The following TARS3 variants were observed in gnomAD, a reference collection of about 807,000 sequenced individuals.
TARS3 encodes the protein threonine--tRNA ligase 2, cytoplasmic.
Under a neutral mutation model 103.5 loss-of-function variants are expected in TARS3, and 94 were observed. That is an observed-to-expected ratio of 0.91 (90% CI 0.77 to 1.08). The LOEUF is 1.08. Ranked by LOEUF, TARS3 falls within the 50% of genes least tolerant of loss-of-function variation. The pLI, the probability that TARS3 is intolerant of heterozygous loss-of-function variation, is 0.00. For synonymous variants in TARS3, 416 were observed against 355.4 expected (o/e 1.17, Z -1.92); for missense variants, 952 against 995.2 (o/e 0.96, Z 0.58).
At chr15:101,714,802 C>G (rs778439717) in intron 4 of TARS3, 38 bp downstream of exon 4, 26 of 1,593,712 alleles carry the variant, frequency 1.6e-5, no homozygotes, top group Non-Finnish European at 5.1e-6. Flanking sequence ...TACAACATAA[C>G]TACCCAAAGT....
chr15:101,677,781 T>TG (rs917524838), intron 12 of TARS3, among the ~76,000 whole-genome samples: 2 of 151,136 alleles, frequency 1.3e-5, no homozygotes, highest in Non-Finnish European at 3.0e-5. Flanking sequence ...TACAGGCACG[T>TG]GCCACCAAGC....
In TARS3 at chr15:101,703,750, T is replaced by C. The variant is rs996121500; in HGVS notation, c.1074+109A>G. 2.5e-5 allele frequency: 17 copies of C among 672,096 alleles called. No homozygotes were observed. In the African/African-American group the frequency reaches 3.0e-4, roughly 12 times the overall value. The allele number at this position is 672,096 out of a possible 1,614,324, so 41.6% of individuals were successfully genotyped here. ...CAAATAAGAATGAAATATTTTAAAATATCATGATGTTCAGACTACAAAAGA... is the reference window on the plus strand; with the variant it reads ...CAAATAAGAATGAAATATTTTAAAACATCATGATGTTCAGACTACAAAAGA... On this transcript the variant is annotated intron_variant, in intron 8 of 18. Coordinates refer to ENST00000335968, the MANE Select transcript of TARS3 (RefSeq NM_152334.3).
At chr15:101,706,251 G>A (rs1347538421) in intron 6 of TARS3, among the ~76,000 whole-genome samples, 2 of 152,176 alleles carry the variant, frequency 1.3e-5, no homozygotes, top group Non-Finnish European at 2.9e-5. Context: ...GCCTCCCAAA[G>A]TACTGGGATT....
Position 101,702,269 on chromosome 15 carries a change from T to C in TARS3, c.1191A>G (p.Ala397=), listed in dbSNP as rs1335944047. 1 of 1,614,196 alleles carries C rather than the reference T, an allele frequency of 6.2e-7. No homozygotes were observed. The highest frequency in any genetic ancestry group is 1.7e-5 in the Admixed American group (1 of 60,028). ...MRDWEKFQEE[A]KNRDHRKIGK... ...CGATCTTCCTGTGATCTCGGTTCTT[T>C]GCTTCCTCTTGGAACTTTTCCCAGT... is the stretch of plus-strand genomic sequence containing the variant. The change falls in exon 9 of 19, where the codon GCA becomes GCG. Residue 397 remains alanine (A), a synonymous_variant. Coordinates refer to ENST00000335968, the MANE Select transcript of TARS3 (RefSeq NM_152334.3).
In TARS3 at chr15:101,686,053, G is replaced by A. The variant is rs139536073; in HGVS notation, c.1330C>T (p.His444Tyr). 43 of 1,604,576 alleles carry A rather than the reference G, an allele frequency of 2.7e-5. No homozygotes were observed. The East Asian group carries it at 9.6e-4, about 36-fold the overall frequency. The change falls in exon 11 of 19, where the codon CAC becomes TAC. Residue 444 changes from histidine to tyrosine, a missense_variant. His to Tyr is a moderately conservative substitution (Grantham distance 83, BLOSUM62 2). This residue lies in a region of TARS3 where 540 missense variants were observed against 631.0 expected (regional missense o/e 0.86). Coordinates refer to ENST00000335968, the MANE Select transcript of TARS3 (RefSeq NM_152334.3). ...AGCACCTCCGTGAAGTCCCGTTTGTGATATTCCTCCTTCAAGATACATGCA... is the reference window on the plus strand; with the variant it reads ...AGCACCTCCGTGAAGTCCCGTTTGTAATATTCCTCCTTCAAGATACATGCA... ...TLTDFIREEY[H>Y]KRDFTEVLSP...
chr15:101,673,140 G>T (rs1429754266), intron 13 of TARS3, among the ~76,000 whole-genome samples: 5 of 152,196 alleles, frequency 3.3e-5, no homozygotes, highest in African/African-American at 1.2e-4. Flanking sequence ...CCAGGCCAGG[G>T]TTAGTTATTG....
rs768517064 is a variant in TARS3, at chr15:101,685,960, T to A, written c.1423A>T (p.Met475Leu). 6.2e-7 allele frequency: 1 copy of A among 1,614,106 alleles called. No homozygotes were observed. The highest frequency in any genetic ancestry group is 1.7e-4 in the Middle Eastern group (1 of 6,058). Residue 475 changes from methionine (M) to leucine (L), a missense_variant, in exon 11 of 19, where the codon ATG becomes TTG. Transcript: ENST00000335968. ...TCCTTTTCAATCTCAAAGGTAAACA[T>A]GTTCTCGCTGTAATGCTGCCAGTGG... ...SGHWQHYSEN[M>L]FTFEIEKDTF... is the part of the protein sequence containing the mutation.
At chr15:101,665,050 A>G (rs532343605) in intron 15 of TARS3, among the ~76,000 whole-genome samples, 2 of 152,262 alleles carry the variant, frequency 1.3e-5, no homozygotes, top group South Asian at 2.1e-4. Flanking sequence ...AATGTATCCA[A>G]TCTGAGAGAT....
chr15:101,661,567 G>C, intron 16 of TARS3, 145 bp downstream of exon 16: 1 of 521,984 alleles, frequency 1.9e-6, no homozygotes, highest in Non-Finnish European at 3.4e-6. Context: ...TACAAGGCAG[G>C]AAAGGCCCTT....
At chr15:101,718,952 C>A (rs932357695) in intron 3 of TARS3, among the ~76,000 whole-genome samples, 2 of 152,166 alleles carry the variant, frequency 1.3e-5, no homozygotes, top group African/African-American at 4.8e-5. Flanking sequence ...CAGAACTGAG[C>A]TGTGGAAACT....
At chr15:101,715,367 C>T (rs1900099263) in intron 3 of TARS3, among the ~76,000 whole-genome samples, 1 of 151,832 alleles carries the variant, frequency 6.6e-6, no homozygotes, top group African/African-American at 2.4e-5. Context: ...GGGATGGTCT[C>T]GATCTCCTGA....
intron 12 of TARS3, among the ~76,000 whole-genome samples, chr15:101,677,136 A>C (rs1031349204): frequency 6.6e-6 from 1 of 152,146 alleles, no homozygotes; most frequent in Admixed American, 6.5e-5. Flanking sequence ...AACTCGACTG[A>C]GCTAAAAGAT....
intron 5 of TARS3, among the ~76,000 whole-genome samples, chr15:101,711,398 C>A (rs1339029111): frequency 6.6e-6 from 1 of 152,162 alleles, no homozygotes; most frequent in African/African-American, 2.4e-5. Flanking sequence ...CCTTGAACAA[C>A]AAAGGTTAGA....
chr15:101,684,322 C>A, intron 11 of TARS3, 85 bp from the exon 12 acceptor site: 1 of 1,295,848 alleles, frequency 7.7e-7, no homozygotes, highest in Non-Finnish European at 1.0e-6. Flanking sequence ...TACAATTAAG[C>A]CTCAAGATTC....
chr15:101,694,760 C>A (rs1781019302), intron 10 of TARS3, among the ~76,000 whole-genome samples: 1 of 152,182 alleles, frequency 6.6e-6, no homozygotes, highest in South Asian at 2.1e-4. Context: ...TATGTCAACA[C>A]CAAAGGAGAC....
intron 13 of TARS3, 24 bp downstream of exon 13, chr15:101,675,576 G>A: frequency 6.2e-7 from 1 of 1,600,880 alleles, no homozygotes; most frequent in Non-Finnish European, 8.5e-7. Flanking sequence ...AAAATGAAGA[G>A]GAAGCACAAG....
At chr15:101,702,443 GCTCTTA>G in intron 8 of TARS3, 58 bp from the exon 9 acceptor site, 1 of 1,409,266 alleles carries the variant, frequency 7.1e-7, no homozygotes, top group Non-Finnish European at 1.0e-6. Flanking sequence ...AAGTAAAACT[GCTCTTA>G]AATACAAATG....
intron 2 of TARS3, among the ~76,000 whole-genome samples, chr15:101,722,528 CG>C (rs368082009): frequency 0.24 from 34,402 of 145,348 alleles, 4,406 homozygotes; most frequent in African/African-American, 0.27. Context: ...AAAAAAAGAC[CG>C]GGGGCGGTGG....
chr15:101,712,839 G>GA (rs1361992801), intron 4 of TARS3, among the ~76,000 whole-genome samples: 3 of 152,214 alleles, frequency 2.0e-5, no homozygotes, highest in Admixed American at 6.5e-5. Flanking sequence ...TTGATAAAAT[G>GA]AATCAGGGCA....
Sources: allele counts gnomAD v4.1 joint callset (sites outside exome capture counted in the v4.1 genomes callset), GRCh38; gene constraint gnomAD v4.1.1; regional missense constraint gnomAD v4.1.1; transcripts MANE v1.5; gene names NCBI Gene and HGNC (gene_info 2026-07-23, HGNC 2026-07-21).